Variants in ABAT observed in about 807,000 individuals in gnomAD.
The protein encoded by ABAT is 4-aminobutyrate aminotransferase, also known as 4-aminobutyrate aminotransferase, mitochondrial.
Under a neutral mutation model 64.6 loss-of-function variants are expected in ABAT, and 45 were observed. The observed-to-expected ratio is 0.70, with a 90% confidence interval of 0.55 to 0.89. The LOEUF (loss-of-function observed/expected upper bound fraction) is 0.89. Ranked by LOEUF, ABAT falls within the 40% of genes least tolerant of loss-of-function variation. The probability of loss-of-function intolerance (pLI) is 0.00; values close to 1 mark genes in which losing one functional copy is unlikely to be tolerated. For missense variants in ABAT, 633 were observed against 658.4 expected (o/e 0.96, Z 0.42); for synonymous variants, 297 against 250.5 (o/e 1.19, Z -1.75).
intron 1 of ABAT, among the ~76,000 whole-genome samples, chr16:8,692,593 C>A (rs754488747): frequency 9.2e-5 from 14 of 152,224 alleles, no homozygotes; most frequent in Admixed American, 2.0e-4. Context: ...TTAGCACTTG[C>A]CATGTCATAT....
chr16:8,740,886 A>T (rs1159203296), intron 2 of ABAT, among the ~76,000 whole-genome samples: 1 of 152,212 alleles, frequency 6.6e-6, no homozygotes, highest in Non-Finnish European at 1.5e-5. Context: ...AGGAGCAGAT[A>T]AAAAAAATTT....
At chr16:8,765,843 CA>C in intron 8 of ABAT, 1 of 226,030 alleles carries the variant, frequency 4.4e-6, no homozygotes, top group East Asian at 1.0e-4. Flanking sequence ...AGCATGGTCT[CA>C]AACTCTTGGC....
chr16:8,711,722 G>GGAT (rs1555485778), intron 1 of ABAT, among the ~76,000 whole-genome samples: 2,862 of 50,232 alleles, frequency 0.057, 65 homozygotes, highest in Middle Eastern at 0.089. Context: ...ATGGATGGAT[G>GGAT]GGAAGATGGA....
intron 4 of ABAT, among the ~76,000 whole-genome samples, chr16:8,748,590 A>G (rs1040916665): frequency 6.6e-6 from 1 of 152,120 alleles, no homozygotes; most frequent in Non-Finnish European, 1.5e-5. Context: ...TTTCCTTGCT[A>G]ATCTTCTCCC....
chr16:8,745,892 G>A, intron 2 of ABAT, 109 bp from the exon 3 acceptor site: 1 of 1,050,292 alleles, frequency 9.5e-7, no homozygotes, highest in East Asian at 2.5e-5. Context: ...CTGGGATGAG[G>A]CTAAGGTCCT....
Position 8,750,550 on chromosome 16 carries a change from G to A in ABAT, c.316+11G>A, listed in dbSNP as rs1307884364. On this transcript the variant is annotated intron_variant, in intron 5 of 15. Transcript: ENST00000268251. ...CCTCTGTCCCCATAGGTAAGAGCTGGGAAATCATTCCTTGGATATAACCTC... is the reference window on the plus strand; with the variant it reads ...CCTCTGTCCCCATAGGTAAGAGCTGAGAAATCATTCCTTGGATATAACCTC... 5 of 1,608,568 alleles carry A rather than the reference G, an allele frequency of 3.1e-6. No homozygotes were observed. Among genetic ancestry groups the A allele is most frequent in the Non-Finnish European group, 4.3e-6 (5 of 1,175,272 alleles).
chr16:8,747,407 T>C (rs2059364930), intron 3 of ABAT, among the ~76,000 whole-genome samples: 1 of 152,186 alleles, frequency 6.6e-6, no homozygotes, highest in African/African-American at 2.4e-5. Flanking sequence ...TGTAGTTATT[T>C]TGGATAGTGT....
chr16:8,758,587 T>TG (rs34982194), intron 6 of ABAT, among the ~76,000 whole-genome samples: 7,168 of 152,076 alleles, frequency 0.047, 245 homozygotes, highest in Middle Eastern at 0.15. Flanking sequence ...TTCTGTGTGG[T>TG]GGGGGGCTGT....
intron 12 of ABAT, among the ~76,000 whole-genome samples, chr16:8,773,962 TC>T (rs1475575667): frequency 6.6e-6 from 1 of 152,174 alleles, no homozygotes; most frequent in Non-Finnish European, 1.5e-5. Context: ...ACAGTCTCAC[TC>T]TGTTGCCCAG....
intron 5 of ABAT, 47 bp from the exon 6 acceptor site, chr16:8,757,710 A>G: frequency 6.3e-7 from 1 of 1,591,166 alleles, no homozygotes; most frequent in Non-Finnish European, 8.6e-7. Context: ...GGGCATGGGG[A>G]ACCCTTGGAT....
chr16:8,728,002 T>C (rs2058607039), intron 1 of ABAT, among the ~76,000 whole-genome samples: 1 of 152,118 alleles, frequency 6.6e-6, no homozygotes, highest in East Asian at 1.9e-4. Context: ...GCCCGGGCGA[T>C]AGAGGCTGCA....
intron 1 of ABAT, among the ~76,000 whole-genome samples, chr16:8,724,502 T>G (rs958091264): frequency 3.9e-5 from 6 of 151,938 alleles, no homozygotes; most frequent in African/African-American, 9.7e-5. Flanking sequence ...GAGGCCAAGG[T>G]GGGAGGACTG....
chr16:8,735,046 T>TAAAAAAAAAA (rs34887951), intron 1 of ABAT, among the ~76,000 whole-genome samples: 1 of 147,546 alleles, frequency 6.8e-6, no homozygotes, highest in African/African-American at 2.5e-5. Flanking sequence ...CATCTCTACT[T>TAAAAAAAAAA]AAAAAAAAAA....
intron 5 of ABAT, among the ~76,000 whole-genome samples, chr16:8,752,586 CA>C (rs1420080422): frequency 6.6e-6 from 1 of 152,024 alleles, no homozygotes; most frequent in Admixed American, 6.6e-5. Flanking sequence ...TAGTGAGAAC[CA>C]ACCCCAATCT....
In ABAT at chr16:8,732,872, G is replaced by T. The variant is rs867275347; in HGVS notation, c.-41-2827G>T. Among the ~76,000 whole-genome samples the T allele has an allele frequency of 2.3e-4, 34 of 150,448 alleles. 1 individual carries two copies. The highest frequency in any genetic ancestry group is 8.4e-4 in the African/African-American group (34 of 40,396). ...AGGGGCTCCTCACTTCCCAGTAGGG[G>T]AGGCCGGGCAGAGGCGCCCCTCACC... On this transcript the variant is annotated intron_variant, in intron 1 of 15. Coordinates refer to ENST00000268251, the MANE Select transcript of ABAT (RefSeq NM_020686.6).
At chr16:8,679,919 G>A (rs1388322192) in intron 1 of ABAT, among the ~76,000 whole-genome samples, 2 of 152,050 alleles carry the variant, frequency 1.3e-5, no homozygotes, top group African/African-American at 4.8e-5. Flanking sequence ...GCTTTCTCTA[G>A]ACACTCCACA....
rs80204178 is a variant in ABAT at position 8,742,865 on chromosome 16, C to A, written c.71-3136C>A. Among the ~76,000 whole-genome samples, 652 of 96,720 alleles carry A rather than the reference C, an allele frequency of 6.7e-3. 1 individual carries two copies. Among genetic ancestry groups the A allele is most frequent in the South Asian group, 9.9e-3 (25 of 2,516 alleles). The allele number at this position is 96,720 out of a possible 152,430, so 63.5% of individuals were successfully genotyped here. On this transcript the variant is annotated intron_variant, in intron 2 of 15. Coordinates refer to ENST00000268251, the MANE Select transcript of ABAT (RefSeq NM_020686.6). ...TGGGCGACAGAGTGAGACCCTGTCT[C>A]AAAAAAAAAAAAAAAAAAAAAGTAG...
At chr16:8,736,625 C>A (rs2058946241) in intron 2 of ABAT, 2 of 152,506 alleles carry the variant, frequency 1.3e-5, no homozygotes, top group Non-Finnish European at 2.9e-5. Context: ...GTCTCACCCC[C>A]ACTCTGCCCC....
intron 1 of ABAT, chr16:8,714,537 C>T (rs1689876298): frequency 6.6e-6 from 1 of 152,230 alleles, no homozygotes; most frequent in Non-Finnish European, 1.5e-5. Context: ...CAGCCTATGC[C>T]CCAAGAGGCA....
Sources: gnomAD v4.1 joint callset for allele counts (sites outside exome capture counted in the v4.1 genomes callset) on GRCh38, gnomAD v4.1.1 for gene constraint, MANE v1.5 for transcripts, NCBI Gene and HGNC (gene_info 2026-07-23, HGNC 2026-07-21) for gene names.